The following MGAT5 variants were observed in gnomAD, a reference collection of about 807,000 sequenced individuals.
The protein encoded by MGAT5 is alpha-1,6-mannosylglycoprotein 6-beta-N-acetylglucosaminyltransferase.
Under a neutral mutation model 94.3 loss-of-function variants are expected in MGAT5, and 30 were observed. The observed-to-expected ratio is 0.32, with a 90% CI of 0.24 to 0.43. MGAT5 has a LOEUF of 0.43. MGAT5 is among the 20% of genes least tolerant of loss of function. The pLI, the probability that MGAT5 is intolerant of heterozygous loss-of-function variation, is 1.00. For missense variants in MGAT5, 691 were observed against 905.5 expected (o/e 0.76, Z 3.04); for synonymous variants, 310 against 322.9 (o/e 0.96, Z 0.43).
intron 12 of MGAT5, among the ~76,000 whole-genome samples, chr2:134,419,890 C>T (rs903155447): frequency 6.6e-6 from 1 of 152,170 alleles, no homozygotes; most frequent in Non-Finnish European, 1.5e-5. Context: ...TTAACTTACC[C>T]TGATTCCGTC....
intron 1 of MGAT5, among the ~76,000 whole-genome samples, chr2:134,195,780 T>C (rs1679466386): frequency 6.6e-6 from 1 of 152,236 alleles, no homozygotes; most frequent in African/African-American, 2.4e-5. Flanking sequence ...GAAAAACTTC[T>C]TAATGGCTGG....
At chr2:134,149,584 T>C (rs994090689) in intron 1 of MGAT5, among the ~76,000 whole-genome samples, 3 of 152,246 alleles carry the variant, frequency 2.0e-5, no homozygotes, top group South Asian at 2.1e-4. Context: ...CTAGTACTTA[T>C]ACCAGGTTAA....
rs1172529312 is a variant in MGAT5, at chr2:134,362,392, T to TGGATA, written c.1366_1370dup (p.Ser457ArgfsTer37). On this transcript the variant is annotated frameshift_variant, in exon 10 of 16. Coordinates refer to ENST00000281923, the MANE Select transcript of MGAT5 (RefSeq NM_002410.5). LOFTEE classifies it high-confidence loss of function. The stretch of plus-strand genomic sequence containing the variant: ...AACCAGTCCCTTGTGTATGGCAAAG[T>TGGATA]GGATAGCTTCTGGAAGGTGAGTCAG... The TGGATA allele has an allele frequency of 6.2e-7, 1 of 1,614,052 alleles. No homozygotes were observed. The highest frequency in any genetic ancestry group is 8.5e-7 in the Non-Finnish European group (1 of 1,179,972).
intron 1 of MGAT5, among the ~76,000 whole-genome samples, chr2:134,269,768 A>G (rs1310089640): frequency 6.6e-6 from 1 of 152,230 alleles, no homozygotes; most frequent in African/African-American, 2.4e-5. Context: ...CTAGAATAAT[A>G]TCTGGCACAT....
At position 134,411,552 on chromosome 2, in the gene MGAT5, T is replaced by TGTTA. The variant is rs1683659985; in HGVS notation, c.1531-1314_1531-1311dup. Among the ~76,000 whole-genome samples, 3 of 152,222 alleles carry TGTTA rather than the reference T, an allele frequency of 2.0e-5. No individual in the cohort carries two copies. In the South Asian group the frequency reaches 6.2e-4, roughly 32 times the overall value. On this transcript the variant is annotated intron_variant, in intron 11 of 15. Coordinates refer to ENST00000281923, the MANE Select transcript of MGAT5 (RefSeq NM_002410.5). ...GTAAATAGGTCCAGAAAACCTGAGATGTTAGTGCTGTGCCCCAGAATTCCT... is the reference window on the plus strand; with the variant it reads ...GTAAATAGGTCCAGAAAACCTGAGATGTTAGTTAGTGCTGTGCCCCAGAATTCCT...
At position 134,383,659 on chromosome 2, in the gene MGAT5, T is replaced by C. The variant is rs191769642; in HGVS notation, c.1381-19329T>C. Among the ~76,000 whole-genome samples the C allele has an allele frequency of 1.6e-3, 245 of 152,270 alleles. 1 individual carries two copies. Among genetic ancestry groups the C allele is most frequent in the African/African-American group, 5.8e-3 (239 of 41,560 alleles). ...AGCTCTAAATCAGTAGTTCACAAAC[T>C]GCAGCCCACATACCTGTCACCTGTT... On this transcript the variant is annotated intron_variant, in intron 10 of 15. Transcript: ENST00000281923.
At chr2:134,307,502 C>T (rs771100268) in intron 2 of MGAT5, among the ~76,000 whole-genome samples, 2 of 152,084 alleles carry the variant, frequency 1.3e-5, no homozygotes, top group Non-Finnish European at 2.9e-5. Flanking sequence ...TGTACTGAAA[C>T]TCCGCAAGTG....
At chr2:134,149,992 G>T (rs1687099408) in intron 1 of MGAT5, among the ~76,000 whole-genome samples, 1 of 152,198 alleles carries the variant, frequency 6.6e-6, no homozygotes, top group Non-Finnish European at 1.5e-5. Context: ...CCTTCCTCCA[G>T]TTCCCCACTG....
At chr2:134,140,551 A>G (rs1028742107) in intron 1 of MGAT5, among the ~76,000 whole-genome samples, 1 of 152,200 alleles carries the variant, frequency 6.6e-6, no homozygotes, top group Non-Finnish European at 1.5e-5. Flanking sequence ...TGTAGGGCTT[A>G]CCAGTGTGAC....
At chr2:134,293,330 G>A (rs750113752) in intron 2 of MGAT5, among the ~76,000 whole-genome samples, 3 of 152,150 alleles carry the variant, frequency 2.0e-5, no homozygotes, top group Non-Finnish European at 4.4e-5. Context: ...ATACGTATGC[G>A]AGGGAAATAA....
intron 1 of MGAT5, among the ~76,000 whole-genome samples, chr2:134,217,701 T>A (rs1192707923): frequency 1.3e-5 from 2 of 152,202 alleles, no homozygotes; most frequent in Non-Finnish European, 2.9e-5. Flanking sequence ...GCCCTGGGGC[T>A]CACCTCCTGC....
chr2:134,286,846 C>G (rs1685040182), intron 2 of MGAT5, among the ~76,000 whole-genome samples: 1 of 152,138 alleles, frequency 6.6e-6, no homozygotes, highest in Middle Eastern at 3.4e-3. Flanking sequence ...TTCCTTTGAC[C>G]TCTGCTTTTC....
At chr2:134,447,758 A>C (rs1381341195) in intron 15 of MGAT5, among the ~76,000 whole-genome samples, 1 of 152,244 alleles carries the variant, frequency 6.6e-6, no homozygotes, top group Non-Finnish European at 1.5e-5. Flanking sequence ...GAAACATCAG[A>C]ATATCCTTGG....
intron 1 of MGAT5, among the ~76,000 whole-genome samples, chr2:134,193,725 G>T (rs1431472400): frequency 7.3e-6 from 1 of 137,498 alleles, no homozygotes; most frequent in Non-Finnish European, 1.6e-5. Context: ...GTGTGTGTGT[G>T]TGTTTTGACA....
chr2:134,442,661 A>C (rs1032389330), intron 15 of MGAT5, among the ~76,000 whole-genome samples: 1 of 152,100 alleles, frequency 6.6e-6, no homozygotes, highest in South Asian at 2.1e-4. Flanking sequence ...TTGCATTGGC[A>C]TTTTGAGTTG....
rs762783854 is a variant in MGAT5, at chr2:134,398,704, TAAAG to T, written c.1381-4280_1381-4277del. Among the ~76,000 whole-genome samples the T allele has an allele frequency of 7.3e-5, 11 of 151,492 alleles. No homozygotes were observed. The East Asian group carries it at 1.9e-3, about 27-fold the overall frequency. On this transcript the variant is annotated intron_variant, in intron 10 of 15. Coordinates refer to ENST00000281923, the MANE Select transcript of MGAT5 (RefSeq NM_002410.5). ...GAGTGTCCATCAGCGGATGAATGGA[TAAAG>T]AAAATATGTACATAATGGAATACGA...
chr2:134,361,403 G>A (rs1680091250), intron 9 of MGAT5, among the ~76,000 whole-genome samples: 1 of 152,234 alleles, frequency 6.6e-6, no homozygotes, highest in African/African-American at 2.4e-5. Flanking sequence ...TCTCTTGACA[G>A]AATGAAGGTA....
chr2:134,380,564 C>T lies in MGAT5; in HGVS notation c.1380+18156C>T, dbSNP rs574385546. Among the ~76,000 whole-genome samples the T allele has an allele frequency of 4.0e-4, 61 of 152,296 alleles. 1 individual carries two copies. Among genetic ancestry groups the T allele is most frequent in the Admixed American group, 3.5e-3 (53 of 15,296 alleles). The stretch of plus-strand genomic sequence containing the variant: ...CAAGCCACTTGTCTCTGTGAGCTTC[C>T]GTTTCTTCATCTGTTACCCGGCAGG... On this transcript the variant is annotated intron_variant, in intron 10 of 15. Coordinates refer to ENST00000281923, the MANE Select transcript of MGAT5 (RefSeq NM_002410.5).
In MGAT5 at chr2:134,449,084, C is replaced by A; in HGVS notation, c.*237C>A. ...GCCTGGCTTGTCCCTGGCACAACAT[C>A]ATTTCTGTTTCTCAAGGAGCAACTG... On this transcript the variant is annotated 3_prime_UTR_variant, in exon 16 of 16. Transcript: ENST00000281923. 1.8e-6 allele frequency: 1 copy of A among 555,216 alleles called. No homozygotes were observed. The highest frequency in any genetic ancestry group is 3.2e-6 in the Non-Finnish European group (1 of 309,662). 34.4% of individuals were successfully genotyped at this position (555,216 alleles called of 1,614,324 possible). A position where few individuals can be genotyped will look rare whatever the true frequency, so the allele number is the denominator to read the frequency against.
Sources: gnomAD v4.1 joint callset for allele counts (sites outside exome capture counted in the v4.1 genomes callset) on GRCh38, gnomAD v4.1.1 for gene constraint, MANE v1.5 for transcripts, NCBI Gene and HGNC (gene_info 2026-07-23, HGNC 2026-07-21) for gene names.